The following DGKG variants were observed in gnomAD, a reference collection of about 807,000 sequenced individuals.
DGKG encodes the protein diacylglycerol kinase gamma, also known as DAG kinase gamma.
DGKG carries 78 observed loss-of-function variants against 105.3 expected under a neutral mutation model. The ratio of observed to expected loss-of-function variants is 0.74; its 90% CI spans 0.62 to 0.89. The LOEUF (loss-of-function observed/expected upper bound fraction) is 0.89, where lower values mean the gene tolerates loss of function less well. Ranked by LOEUF, DGKG falls within the 40% of genes least tolerant of loss-of-function variation. DGKG has a pLI of 0.00. For synonymous variants in DGKG, 346 were observed against 367.1 expected, an observed-to-expected ratio of 0.94 and a Z score of 0.66; for missense variants, 958 against 1,020.1, an observed-to-expected ratio of 0.94 and a Z score of 0.83.
rs1726788083 is a variant in DGKG, at chr3:186,354,126, C to CA, written c.-249+7819_-249+7820insT. On this transcript the variant is annotated intron_variant, in intron 1 of 24. Transcript: ENST00000265022. ...AGTTTGGGGGGCTAGATGAGAGTAA[C>CA]CATTTTGTGTGGCTTCCAAGGAAGG... Among the ~76,000 whole-genome samples the CA allele has an allele frequency of 2.0e-5, 3 of 152,142 alleles. No homozygotes were observed. The South Asian group carries it at 6.2e-4, about 32-fold the overall frequency.
intron 3 of DGKG, among the ~76,000 whole-genome samples, chr3:186,299,398 C>T (rs887283523): frequency 4.6e-5 from 7 of 152,140 alleles, no homozygotes; most frequent in South Asian, 2.1e-4. Context: ...GCCTTAAAAG[C>T]GAGTAATGGC....
At chr3:186,325,249 G>C (rs914140303) in intron 1 of DGKG, among the ~76,000 whole-genome samples, 1 of 152,148 alleles carries the variant, frequency 6.6e-6, no homozygotes, top group African/African-American at 2.4e-5. Flanking sequence ...GAGGGGGCAG[G>C]GGGAAGGGGC....
chr3:186,182,947 G>C (rs1432208778), intron 22 of DGKG, among the ~76,000 whole-genome samples: 1 of 152,164 alleles, frequency 6.6e-6, no homozygotes, highest in Admixed American at 6.5e-5. Context: ...ACACATGCCC[G>C]TGACACAGGC....
intron 2 of DGKG, among the ~76,000 whole-genome samples, chr3:186,310,288 A>AAC (rs1724473194): frequency 6.8e-6 from 1 of 148,090 alleles, no homozygotes; most frequent in African/African-American, 2.5e-5. Flanking sequence ...AAAAAAAAAA[A>AAC]ACCACACACA....
At chr3:186,267,520 T>C (rs192739632) in intron 13 of DGKG, 165 bp downstream of exon 13, 4 of 594,244 alleles carry the variant, frequency 6.7e-6, no homozygotes. Flanking sequence ...AACCCTCCCA[T>C]GTACTCTCTA....
In DGKG at chr3:186,339,309, G is replaced by A. The variant is rs528664107; in HGVS notation, c.-248-18602C>T. 7.1e-4 allele frequency among the ~76,000 whole-genome samples: 108 copies of A among 152,280 alleles called. No homozygotes were observed. The South Asian group carries it at 7.5e-3, about 11-fold the overall frequency. ...GAGCTTCCATAAAAGCTATAGTACT[G>A]AGCTGTGTGTGCTAAGGGCTGTGGA... is the stretch of plus-strand genomic sequence containing the variant. On this transcript the variant is annotated intron_variant, in intron 1 of 24. Coordinates refer to ENST00000265022, the MANE Select transcript of DGKG (RefSeq NM_001346.3).
At chr3:186,276,758 C>T (rs139961237) in intron 9 of DGKG, among the ~76,000 whole-genome samples, 1 of 152,324 alleles carries the variant, frequency 6.6e-6, no homozygotes, top group African/African-American at 2.4e-5. Flanking sequence ...TTCTCATAGG[C>T]TCCATTACAA....
At chr3:186,354,099 G>C (rs1310288913) in intron 1 of DGKG, among the ~76,000 whole-genome samples, 1 of 152,138 alleles carries the variant, frequency 6.6e-6, no homozygotes, top group Non-Finnish European at 1.5e-5. Flanking sequence ...TTTTGGATGG[G>C]GAGTTTGGGG....
At chr3:186,223,327 A>G (rs1233517069) in intron 20 of DGKG, among the ~76,000 whole-genome samples, 1 of 151,964 alleles carries the variant, frequency 6.6e-6, no homozygotes, top group Non-Finnish European at 1.5e-5. Context: ...AAAGGGTAGC[A>G]GAGAGCACAC....
chr3:186,267,850 TG>T, intron 12 of DGKG, 73 bp from the exon 13 acceptor site: 1 of 1,445,138 alleles, frequency 6.9e-7, no homozygotes. Flanking sequence ...TGGAGAGGTT[TG>T]GGGGAGAGGT....
At chr3:186,323,243 G>A (rs920857632) in intron 1 of DGKG, among the ~76,000 whole-genome samples, 5 of 152,174 alleles carry the variant, frequency 3.3e-5, no homozygotes, top group Admixed American at 2.6e-4. Context: ...ACGAAAGTGA[G>A]GAGTATCCTT....
At chr3:186,260,143 G>A (rs558979575) in intron 16 of DGKG, among the ~76,000 whole-genome samples, 2 of 152,224 alleles carry the variant, frequency 1.3e-5, no homozygotes, top group East Asian at 3.9e-4. Flanking sequence ...TAATTTACCA[G>A]CCTGTTCCTC....
In DGKG at chr3:186,148,890, C is replaced by G; in HGVS notation, c.*1200G>C. 3 of 983,222 alleles carry G rather than the reference C, an allele frequency of 3.1e-6. No homozygotes were observed. The highest frequency in any genetic ancestry group is 3.6e-6 in the Non-Finnish European group (3 of 829,242). The allele number at this position is 983,222 out of a possible 1,614,324, so 60.9% of individuals were successfully genotyped here. A position where few individuals can be genotyped will look rare whatever the true frequency, so the allele number is the denominator to read the frequency against. On this transcript the variant is annotated 3_prime_UTR_variant, in exon 25 of 25. Coordinates refer to ENST00000265022, the MANE Select transcript of DGKG (RefSeq NM_001346.3). ...GGAGTGAGAACCTTCTTTTTCCTTA[C>G]CACTTTCTGTCTCATACTACCTATG...
At chr3:186,156,594 TAAAG>T (rs961796375) in intron 24 of DGKG, among the ~76,000 whole-genome samples, 4 of 152,086 alleles carry the variant, frequency 2.6e-5, no homozygotes, top group African/African-American at 9.7e-5. Context: ...TTTGTAGAGT[TAAAG>T]AAACAATTGC....
At position 186,173,755 on chromosome 3, in the gene DGKG, G is replaced by A. The variant is rs148714721; in HGVS notation, c.2096-8737C>T. Among the ~76,000 whole-genome samples the A allele has an allele frequency of 3.6e-3, 551 of 152,370 alleles. 6 individuals are homozygous for A. The highest frequency in any genetic ancestry group is 0.013 in the African/African-American group (524 of 41,584). On this transcript the variant is annotated intron_variant, in intron 22 of 24. Coordinates refer to ENST00000265022, the MANE Select transcript of DGKG (RefSeq NM_001346.3). ...AATGTAGCCTGAAAAAAGCCTAGGG[G>A]TGGGGAAACGGAAAGAATCCCTAAA...
intron 3 of DGKG, among the ~76,000 whole-genome samples, chr3:186,306,404 G>A (rs1170313441): frequency 2.6e-5 from 4 of 152,166 alleles, no homozygotes; most frequent in African/African-American, 4.8e-5. Context: ...GGAGGGACGA[G>A]GAGGGAGGGA....
intron 2 of DGKG, among the ~76,000 whole-genome samples, chr3:186,307,534 G>A (rs1724307516): frequency 6.6e-6 from 1 of 152,152 alleles, no homozygotes; most frequent in Admixed American, 6.6e-5. Context: ...GCTCCCACGT[G>A]ACTTGTACAC....
chr3:186,154,788 C>T (rs4686736), intron 24 of DGKG, among the ~76,000 whole-genome samples: 58,807 of 151,840 alleles, frequency 0.39, 13,497 homozygotes, highest in East Asian at 0.75. Flanking sequence ...CAAAGTGTGG[C>T]TCATAGGCCA....
At chr3:186,308,030 C>T (rs1211596275) in intron 2 of DGKG, among the ~76,000 whole-genome samples, 1 of 152,118 alleles carries the variant, frequency 6.6e-6, no homozygotes, top group African/African-American at 2.4e-5. Flanking sequence ...ATATTTCTGA[C>T]AGCCAGAAGA....
Sources: gnomAD v4.1 joint callset for allele counts (sites outside exome capture counted in the v4.1 genomes callset) on GRCh38, gnomAD v4.1.1 for gene constraint, MANE v1.5 for transcripts, NCBI Gene and HGNC (gene_info 2026-07-23, HGNC 2026-07-21) for gene names.